Variants in LRRIQ3 observed in about 807,000 individuals in gnomAD.
LRRIQ3 encodes the protein leucine-rich repeat and IQ domain-containing protein 3.
LRRIQ3 carries 75 observed loss-of-function variants against 59.3 expected under a neutral mutation model. The ratio of observed to expected loss-of-function variants is 1.26; its 90% CI spans 1.05 to 1.53. The LOEUF is 1.53. Among genes scored for constraint, LRRIQ3 ranks in the 40% most tolerant of loss-of-function variants. The pLI is 0.00. For synonymous variants in LRRIQ3, 250 were observed against 231.3 expected, an observed-to-expected ratio of 1.08 and a Z score of -0.73; for missense variants, 831 against 710.0, an observed-to-expected ratio of 1.17 and a Z score of -1.94.
At chr1:74,062,390 A>G (rs984108977) in intron 6 of LRRIQ3, among the ~76,000 whole-genome samples, 1 of 152,176 alleles carries the variant, frequency 6.6e-6, no homozygotes, top group Admixed American at 6.5e-5. Flanking sequence ...CTATTACTAA[A>G]AAGTCAAAAA....
At chr1:74,146,875 T>C (rs779366294) in intron 4 of LRRIQ3, among the ~76,000 whole-genome samples, 18 of 152,226 alleles carry the variant, frequency 1.2e-4, no homozygotes, top group Non-Finnish European at 2.1e-4. Flanking sequence ...AGTAGGATAG[T>C]TGATTAGACC....
intron 1 of LRRIQ3, among the ~76,000 whole-genome samples, chr1:74,187,036 T>C (rs1351004304): frequency 1.3e-5 from 2 of 151,634 alleles, no homozygotes; most frequent in East Asian, 1.9e-4. Context: ...CAAAAAACAA[T>C]AGATGCTGTC....
intron 7 of LRRIQ3, among the ~76,000 whole-genome samples, chr1:74,035,474 GT>G (rs1557586699): frequency 6.6e-6 from 1 of 152,050 alleles, no homozygotes; most frequent in Non-Finnish European, 1.5e-5. Context: ...CTAGCTGTAA[GT>G]TAAAATATTT....
chr1:74,049,570 G>C (rs1331940474), intron 6 of LRRIQ3, among the ~76,000 whole-genome samples: 6 of 152,142 alleles, frequency 3.9e-5, no homozygotes, highest in Non-Finnish European at 5.9e-5. Flanking sequence ...AAGATGAATG[G>C]TAGCATTTTG....
In LRRIQ3 at chr1:74,041,389, C is replaced by T. The variant is rs1654039725; in HGVS notation, c.1542G>A (p.Glu514=). The T allele has an allele frequency of 1.2e-6, 2 of 1,613,720 alleles. No individual in the cohort carries two copies. The highest frequency in any genetic ancestry group is 1.6e-4 in the Middle Eastern group (1 of 6,082). Residue 514 remains glutamate, a synonymous_variant, in exon 7 of 8, where the codon GAG becomes GAA. Coordinates refer to ENST00000354431, the MANE Select transcript of LRRIQ3 (RefSeq NM_001105659.2). ...FLKEKSQKAS[E]RLLVQNLNNE... ...TATTTAAGTTTTGAACTAATAAACG[C>T]TCTGAAGCCTTTTGGGATTTTTCTT...
chr1:74,171,323 A>G (rs987240329), intron 3 of LRRIQ3, among the ~76,000 whole-genome samples: 3 of 152,170 alleles, frequency 2.0e-5, no homozygotes, highest in Admixed American at 6.5e-5. Flanking sequence ...AACTCTTTCC[A>G]TACATAATTG....
rs1340964304 is a variant in LRRIQ3, at chr1:74,074,791, C to T, written c.868-1G>A. The T allele has an allele frequency of 1.6e-6, 2 of 1,286,842 alleles. No homozygotes were observed. Among genetic ancestry groups the T allele is most frequent in the East Asian group, 5.4e-5 (2 of 36,910 alleles). 79.7% of individuals were successfully genotyped at this position (1,286,842 alleles called of 1,614,324 possible). On this transcript the variant is annotated splice_acceptor_variant, in intron 5 of 7. Transcript: ENST00000354431. LOFTEE classifies it high-confidence loss of function. ...TTAAATCAACAGGATAATATATATT[C>T]TGTGAAAATAAAATAAAAGCAATGA... is the stretch of plus-strand genomic sequence containing the variant.
chr1:74,080,561 G>A (rs1297796145), intron 5 of LRRIQ3, among the ~76,000 whole-genome samples: 2 of 151,584 alleles, frequency 1.3e-5, no homozygotes, highest in Non-Finnish European at 3.0e-5. Context: ...CAAATTCAAG[G>A]TGCATTTTCA....
At chr1:74,115,776 G>T (rs1250374513) in intron 4 of LRRIQ3, among the ~76,000 whole-genome samples, 1 of 152,000 alleles carries the variant, frequency 6.6e-6, no homozygotes, top group Non-Finnish European at 1.5e-5. Context: ...TAGCTTCAGG[G>T]TCATGAATCT....
intron 6 of LRRIQ3, among the ~76,000 whole-genome samples, chr1:74,067,480 G>A (rs2100459870): frequency 6.6e-6 from 1 of 152,244 alleles, no homozygotes; most frequent in Non-Finnish European, 1.5e-5. Flanking sequence ...TAGTGCTGAA[G>A]ATGAAGAAAT....
chr1:74,187,353 TACAC>T (rs58321456), intron 1 of LRRIQ3, among the ~76,000 whole-genome samples: 71 of 55,378 alleles, frequency 1.3e-3, no homozygotes, highest in African/African-American at 2.4e-3. Flanking sequence ...GGTATATGTT[TACAC>T]ACACACACAC....
intron 6 of LRRIQ3, among the ~76,000 whole-genome samples, chr1:74,068,343 A>G (rs760053321): frequency 6.6e-6 from 1 of 152,066 alleles, no homozygotes; most frequent in Non-Finnish European, 1.5e-5. Flanking sequence ...ATATTAATGG[A>G]ACATATGGCC....
At chr1:74,097,084 G>A (rs1013270673) in intron 5 of LRRIQ3, among the ~76,000 whole-genome samples, 27 of 152,210 alleles carry the variant, frequency 1.8e-4, no homozygotes, top group South Asian at 4.1e-4. Flanking sequence ...CTGTCAGACA[G>A]GGACATTTAA....
intron 4 of LRRIQ3, among the ~76,000 whole-genome samples, chr1:74,137,699 T>C (rs985214646): frequency 5.9e-5 from 9 of 152,072 alleles, no homozygotes; most frequent in African/African-American, 2.2e-4. Flanking sequence ...AACCCAAATG[T>C]CCATCAATGA....
chr1:74,084,263 T>A, intron 5 of LRRIQ3: 2 of 1,515,852 alleles, frequency 1.3e-6, no homozygotes, highest in Non-Finnish European at 1.8e-6. Flanking sequence ...AAAAATCAGT[T>A]AAACTCTTGA....
intron 4 of LRRIQ3, among the ~76,000 whole-genome samples, chr1:74,115,878 A>C (rs1310560630): frequency 6.6e-6 from 1 of 152,056 alleles, no homozygotes; most frequent in Non-Finnish European, 1.5e-5. Flanking sequence ...AGGTGTTAAA[A>C]CAACTAAGAA....
At chr1:74,108,301 G>T (rs1646641543) in intron 5 of LRRIQ3, among the ~76,000 whole-genome samples, 1 of 151,706 alleles carries the variant, frequency 6.6e-6, no homozygotes, top group South Asian at 2.1e-4. Context: ...TACACAGAGG[G>T]TCAAAACATA....
intron 4 of LRRIQ3, among the ~76,000 whole-genome samples, chr1:74,110,899 T>C (rs1646685230): frequency 6.6e-6 from 1 of 152,078 alleles, no homozygotes; most frequent in Admixed American, 6.6e-5. Flanking sequence ...GATTTTGTTT[T>C]ACCATATCCA....
chr1:74,100,173 C>A (rs535981937), intron 5 of LRRIQ3, among the ~76,000 whole-genome samples: 92 of 152,114 alleles, frequency 6.0e-4, no homozygotes, highest in African/African-American at 2.1e-3. Context: ...GTCTCAGCCC[C>A]AAATCTCCTT....
Sources: allele counts gnomAD v4.1 joint callset (sites outside exome capture counted in the v4.1 genomes callset), GRCh38; gene constraint gnomAD v4.1.1; transcripts MANE v1.5; gene names NCBI Gene and HGNC (gene_info 2026-07-23, HGNC 2026-07-21).